KLF12: variants seen among roughly 807,000 people sequenced by gnomAD.
KLF12 encodes KLF transcription factor 12, also known as Krueppel-like factor 12.
In KLF12, 9 loss-of-function variants were observed where a neutral mutation model predicts 37.8. The observed-to-expected ratio is 0.24, with a 90% confidence interval of 0.14 to 0.42. The LOEUF (loss-of-function observed/expected upper bound fraction) is 0.42, where lower values mean the gene tolerates loss of function less well. KLF12 is among the 10% of genes least tolerant of loss of function. The probability of loss-of-function intolerance (pLI) is 1.00; values close to 1 mark genes in which losing one functional copy is unlikely to be tolerated. For synonymous variants in KLF12, 208 were observed against 202.1 expected (o/e 1.03, Z -0.25); for missense variants, 411 against 516.0 (o/e 0.80, Z 1.97).
intron 5 of KLF12, among the ~76,000 whole-genome samples, chr13:73,807,288 G>A (rs928815278): frequency 4.7e-5 from 7 of 147,952 alleles, no homozygotes; most frequent in African/African-American, 1.7e-4. Context: ...CAGCCTGGGT[G>A]ACAAGAGTGA....
the KLF12 span, among the ~76,000 whole-genome samples, chr13:74,272,587 C>A: frequency 1.3e-5 from 2 of 152,054 alleles, no homozygotes; most frequent in African/African-American, 2.4e-5. Context: ...CAGGTGGTAA[C>A]CCTTACCTAG....
the KLF12 span, among the ~76,000 whole-genome samples, chr13:74,150,258 C>A: frequency 6.6e-6 from 1 of 152,232 alleles, no homozygotes; most frequent in East Asian, 1.9e-4. Context: ...CATGTTGAAG[C>A]AATTCTTCCC....
At chr13:74,160,004 A>T in the KLF12 span, among the ~76,000 whole-genome samples, 4 of 20,242 alleles carry the variant, frequency 2.0e-4, no homozygotes, top group Admixed American at 2.7e-3. Flanking sequence ...CTTGTCTCAA[A>T]AAAAAAAAAA....
intron 6 of KLF12, among the ~76,000 whole-genome samples, chr13:73,733,397 C>T (rs979952564): frequency 2.0e-5 from 3 of 152,114 alleles, no homozygotes; most frequent in African/African-American, 7.2e-5. Flanking sequence ...TAAGTAGAAT[C>T]ATACAATATT....
At chr13:73,826,065 T>G (rs925226140) in intron 4 of KLF12, among the ~76,000 whole-genome samples, 1 of 152,016 alleles carries the variant, frequency 6.6e-6, no homozygotes, top group African/African-American at 2.4e-5. Context: ...CTCCGCCTCC[T>G]GGGTTCACGC....
the KLF12 span, among the ~76,000 whole-genome samples, chr13:74,233,945 C>T: frequency 1.3e-5 from 2 of 152,104 alleles, no homozygotes; most frequent in South Asian, 2.1e-4. Flanking sequence ...AACAAAATGA[C>T]ATACTTTGAT....
At chr13:74,275,179 T>C in the KLF12 span, among the ~76,000 whole-genome samples, 1 of 152,130 alleles carries the variant, frequency 6.6e-6, no homozygotes, top group South Asian at 2.1e-4. Context: ...TTATGTGTTG[T>C]TTGCAGACCA....
intron 5 of KLF12, among the ~76,000 whole-genome samples, chr13:73,775,064 T>C (rs1312853288): frequency 1.3e-5 from 2 of 151,994 alleles, no homozygotes; most frequent in Admixed American, 1.3e-4. Context: ...ATTACAGGTA[T>C]GTGCCACCAT....
At chr13:73,763,320 T>C (rs1324060) in intron 6 of KLF12, among the ~76,000 whole-genome samples, 14,237 of 152,240 alleles carry the variant, frequency 0.094, 758 homozygotes, top group South Asian at 0.16. Context: ...CACATACACA[T>C]ACACATCTGC....
At chr13:73,939,270 A>G (rs1388561357) in intron 3 of KLF12, among the ~76,000 whole-genome samples, 1 of 152,196 alleles carries the variant, frequency 6.6e-6, no homozygotes, top group Non-Finnish European at 1.5e-5. Flanking sequence ...GCACCTATGT[A>G]GTTTTCAAAA....
At chr13:74,295,996 A>AT in the KLF12 span, among the ~76,000 whole-genome samples, 35 of 150,192 alleles carry the variant, frequency 2.3e-4, no homozygotes, top group Non-Finnish European at 1.0e-4. Flanking sequence ...TTTTTTTTAT[A>AT]TTTTTTAGCA....
intron 4 of KLF12, among the ~76,000 whole-genome samples, chr13:73,826,681 T>G (rs1883860657): frequency 1.3e-5 from 2 of 152,174 alleles, no homozygotes; most frequent in Admixed American, 6.5e-5. Flanking sequence ...CATTCATATT[T>G]TTGGCCCTTA....
At chr13:74,034,357 C>A (rs1893192276) in intron 1 of KLF12, among the ~76,000 whole-genome samples, 1 of 152,224 alleles carries the variant, frequency 6.6e-6, no homozygotes, top group African/African-American at 2.4e-5. Context: ...GCATGAGCCA[C>A]CACACCCGGC....
the KLF12 span, among the ~76,000 whole-genome samples, chr13:74,199,571 CACAA>C: frequency 1.1e-4 from 16 of 152,228 alleles, no homozygotes; most frequent in East Asian, 3.1e-3. Context: ...AATATTGGCA[CACAA>C]ACAGAGTTAG....
intron 3 of KLF12, among the ~76,000 whole-genome samples, chr13:73,890,418 A>C (rs189141973): frequency 6.6e-6 from 1 of 152,264 alleles, no homozygotes; most frequent in East Asian, 1.9e-4. Flanking sequence ...CCACGAAAGA[A>C]ATAATCCTTT....
At chr13:74,270,536 G>A in the KLF12 span, among the ~76,000 whole-genome samples, 1 of 152,206 alleles carries the variant, frequency 6.6e-6, no homozygotes, top group African/African-American at 2.4e-5. Flanking sequence ...GGACACGGAA[G>A]CTTTGTGTTT....
chr13:73,802,350 A>G (rs1566377734), intron 5 of KLF12: 2 of 152,184 alleles, frequency 1.3e-5, no homozygotes, highest in Admixed American at 6.5e-5. Flanking sequence ...AAAACTTTCC[A>G]GTGTAATAGT....
At chr13:74,004,674 A>T (rs1433768413) in intron 1 of KLF12, among the ~76,000 whole-genome samples, 1 of 152,208 alleles carries the variant, frequency 6.6e-6, no homozygotes, top group Non-Finnish European at 1.5e-5. Context: ...ACATAAACTC[A>T]GATGCTTTTC....
At chr13:73,731,311 C>A (rs1156867909) in intron 6 of KLF12, among the ~76,000 whole-genome samples, 1 of 151,880 alleles carries the variant, frequency 6.6e-6, no homozygotes, top group East Asian at 1.9e-4. Context: ...TATATGTAAA[C>A]AATACATTTA....
Sources: allele counts gnomAD v4.1 joint callset (sites outside exome capture counted in the v4.1 genomes callset), GRCh38; gene constraint gnomAD v4.1.1; transcripts MANE v1.5; gene names NCBI Gene and HGNC (gene_info 2026-07-23, HGNC 2026-07-21).